TMC2: variants seen among roughly 807,000 people sequenced by gnomAD.
TMC2 encodes the protein transmembrane channel like 2, also known as transmembrane channel-like protein 2.
In TMC2, 102 loss-of-function variants were observed where a neutral mutation model predicts 105.9. The ratio of observed to expected loss-of-function variants is 0.96; its 90% confidence interval spans 0.82 to 1.14. The LOEUF is 1.14. Ranked by LOEUF, TMC2 falls within the 50% of genes most tolerant of loss-of-function variation. The pLI is 0.00. For missense variants in TMC2, 1,093 were observed against 1,134.3 expected (o/e 0.96, Z 0.52); for synonymous variants, 402 against 422.8 (o/e 0.95, Z 0.60).
At chr20:2,624,527 C>A in intron 17 of TMC2, 131 bp downstream of exon 17, 4 of 1,121,858 alleles carry the variant, frequency 3.6e-6, no homozygotes, top group Non-Finnish European at 3.7e-6. Context: ...GACAAGGATT[C>A]AAGTGTAAGT....
At chr20:2,545,849 G>GAAAGAAAGAAAGAAAGAAAA (rs2085921749) in intron 2 of TMC2, among the ~76,000 whole-genome samples, 1 of 107,108 alleles carries the variant, frequency 9.3e-6, no homozygotes, top group Non-Finnish European at 2.0e-5. Flanking sequence ...AAGAAAGAAA[G>GAAAGAAAGAAAGAAAGAAAA]AAAGAGAAAG....
intron 2 of TMC2, among the ~76,000 whole-genome samples, chr20:2,552,770 C>T (rs1354773364): frequency 6.6e-6 from 1 of 152,170 alleles, no homozygotes; most frequent in African/African-American, 2.4e-5. Context: ...CCTACCTTGA[C>T]CTCCCAAAGT....
Position 2,592,513 on chromosome 20 carries a change from T to A in TMC2, c.933+105T>A. 1 of 812,216 alleles carries A rather than the reference T, an allele frequency of 1.2e-6. No individual in the cohort carries two copies. The highest frequency in any genetic ancestry group is 1.5e-5 in the South Asian group (1 of 67,022). 50.3% of individuals were successfully genotyped at this position (812,216 alleles called of 1,614,324 possible). On this transcript the variant is annotated intron_variant, in intron 8 of 19. Coordinates refer to ENST00000358864, the MANE Select transcript of TMC2 (RefSeq NM_080751.3). The surrounding 1 kb of genome is among the most constrained non-coding windows in gnomAD (Gnocchi z 4.9). Reference sequence around the variant, plus strand: ...CGTTTAATTATTGAAAAACCATTGCTTTAATAGGATCCCAGCACTAAGCTA... The same window carrying A: ...CGTTTAATTATTGAAAAACCATTGCATTAATAGGATCCCAGCACTAAGCTA...
intron 2 of TMC2, among the ~76,000 whole-genome samples, chr20:2,557,561 G>A (rs1229082885): frequency 5.9e-5 from 9 of 151,966 alleles, no homozygotes; most frequent in Admixed American, 1.3e-4. Flanking sequence ...ATGGAGTCTC[G>A]CTCTTGTCGC....
intron 7 of TMC2, among the ~76,000 whole-genome samples, chr20:2,583,043 G>T (rs6050336): frequency 6.6e-6 from 1 of 152,092 alleles, no homozygotes; most frequent in African/African-American, 2.4e-5. Context: ...TCACCTGGGG[G>T]ACTTTAAGAA....
At chr20:2,565,351 G>A (rs554656917) in intron 4 of TMC2, among the ~76,000 whole-genome samples, 7 of 152,338 alleles carry the variant, frequency 4.6e-5, no homozygotes, top group Admixed American at 1.3e-4. Flanking sequence ...GTTAAGTGGC[G>A]CAGCCAGGAT....
chr20:2,570,608 C>T (rs117638737), intron 4 of TMC2, among the ~76,000 whole-genome samples: 364 of 151,974 alleles, frequency 2.4e-3, no homozygotes, highest in Middle Eastern at 0.014. Context: ...GCTATTTCTA[C>T]CAAACTACCA....
rs1764594622 is a variant in TMC2, at chr20:2,544,045, G to C, written c.82+6729G>C. Among the ~76,000 whole-genome samples the C allele has an allele frequency of 2.7e-5, 4 of 150,764 alleles. No individual in the cohort carries two copies. The South Asian group carries it at 8.4e-4, about 32-fold the overall frequency. Reference sequence around the variant, plus strand: ...GCCTCCCAAGTAGCTGGGACTACAGGCGCTCGCCACCATGCCTAGCTGATT... The same window carrying C: ...GCCTCCCAAGTAGCTGGGACTACAGCCGCTCGCCACCATGCCTAGCTGATT... On this transcript the variant is annotated intron_variant, in intron 2 of 19. Transcript: ENST00000358864.
At chr20:2,545,034 CAA>C (rs34794391) in intron 2 of TMC2, among the ~76,000 whole-genome samples, 3,254 of 98,344 alleles carry the variant, frequency 0.033, 123 homozygotes, top group African/African-American at 0.1. Context: ...CTGTCTCTAC[CAA>C]AAAAAAAAAA....
Position 2,616,351 on chromosome 20 carries a change from C to G in TMC2, c.1940+147C>G. The G allele has an allele frequency of 1.5e-6, 1 of 684,308 alleles. No homozygotes were observed. 42.4% of individuals were successfully genotyped at this position (684,308 alleles called of 1,614,324 possible). A position where few individuals can be genotyped will look rare whatever the true frequency, so the allele number is the denominator to read the frequency against. ...CCTCTTTCACATGAAAAATCAAGAG[C>G]GGGACTAGATGAGAAGCAGGACAGT... On this transcript the variant is annotated intron_variant, in intron 15 of 19. Coordinates refer to ENST00000358864, the MANE Select transcript of TMC2 (RefSeq NM_080751.3). The surrounding 1 kb of genome is among the most constrained non-coding windows in gnomAD (Gnocchi z 4.8).
At chr20:2,628,226 C>T (rs187394839) in intron 17 of TMC2, among the ~76,000 whole-genome samples, 1 of 151,596 alleles carries the variant, frequency 6.6e-6, no homozygotes, top group Non-Finnish European at 1.5e-5. Flanking sequence ...GTTTTCCAAT[C>T]CAAGAATACT....
chr20:2,546,172 T>C (rs2122802342), intron 2 of TMC2, among the ~76,000 whole-genome samples: 1 of 152,266 alleles, frequency 6.6e-6, no homozygotes, highest in East Asian at 1.9e-4. Flanking sequence ...ATTGTGGAGT[T>C]GCCATCTAAA....
At chr20:2,579,561 A>G (rs2086173805) in intron 6 of TMC2, among the ~76,000 whole-genome samples, 1 of 151,852 alleles carries the variant, frequency 6.6e-6, no homozygotes, top group African/African-American at 2.4e-5. Flanking sequence ...AGCTGGGATT[A>G]CAGGTCTGGG....
rs768537423 is a variant in TMC2, at chr20:2,637,486, G to C, written c.2398G>C (p.Glu800Gln). The C allele has an allele frequency of 6.2e-7, 1 of 1,612,912 alleles. No individual in the cohort carries two copies. Among genetic ancestry groups the C allele is most frequent in the Admixed American group, 1.7e-5 (1 of 59,982 alleles). The change falls in exon 19 of 20, where the codon GAG becomes CAG. Residue 800 changes from glutamate to glutamine, a missense_variant. Coordinates refer to ENST00000358864, the MANE Select transcript of TMC2 (RefSeq NM_080751.3). ...RKKIQVLREV[E>Q]KSHKSVKGKA... ...TTATTTCCTGCAGCTCCGTGAAGTTGAGAAGAGTCACAAATCTGTAAAAGG... is the reference window on the plus strand; with the variant it reads ...TTATTTCCTGCAGCTCCGTGAAGTTCAGAAGAGTCACAAATCTGTAAAAGG...
At chr20:2,587,888 A>G (rs779190866) in intron 7 of TMC2, among the ~76,000 whole-genome samples, 40 of 152,078 alleles carry the variant, frequency 2.6e-4, no homozygotes, top group Non-Finnish European at 2.1e-4. Context: ...CCTTTGACCA[A>G]CATTTCCCAA....
At chr20:2,594,387 C>T (rs180967990) in intron 8 of TMC2, among the ~76,000 whole-genome samples, 6 of 152,140 alleles carry the variant, frequency 3.9e-5, no homozygotes, top group African/African-American at 1.2e-4. Flanking sequence ...GCTATTACAC[C>T]TGGCAAATTT....
chr20:2,611,123 T>C (rs1323192962), intron 12 of TMC2, among the ~76,000 whole-genome samples: 3 of 152,170 alleles, frequency 2.0e-5, no homozygotes, highest in Non-Finnish European at 2.9e-5. Context: ...CAGGGCAGCA[T>C]GGCAGTGCAC....
At position 2,616,332 on chromosome 20, in the gene TMC2, T is replaced by C; in HGVS notation, c.1940+128T>C. The C allele has an allele frequency of 1.4e-6, 1 of 739,142 alleles. No individual in the cohort carries two copies. The highest frequency in any genetic ancestry group is 2.4e-6 in the Non-Finnish European group (1 of 418,606). 45.8% of individuals were successfully genotyped at this position (739,142 alleles called of 1,614,324 possible). A position where few individuals can be genotyped will look rare whatever the true frequency, so the allele number is the denominator to read the frequency against. On this transcript the variant is annotated intron_variant, in intron 15 of 19. Transcript: ENST00000358864. This position sits in a 1 kb window ranked among gnomAD's most constrained non-coding sequence, Gnocchi z 4.8. ...TCTTGCCTCTCTGAACTCCCCTCTTTCACATGAAAAATCAAGAGCGGGACT... is the reference window on the plus strand; with the variant it reads ...TCTTGCCTCTCTGAACTCCCCTCTTCCACATGAAAAATCAAGAGCGGGACT...
chr20:2,632,906 G>C (rs892011009), intron 17 of TMC2, among the ~76,000 whole-genome samples: 14 of 152,200 alleles, frequency 9.2e-5, no homozygotes, highest in Admixed American at 8.5e-4. Flanking sequence ...ACTAGTTTTT[G>C]CTGAAAACTG....
Sources: allele counts gnomAD v4.1 joint callset (sites outside exome capture counted in the v4.1 genomes callset), GRCh38; gene constraint gnomAD v4.1.1; non-coding constraint Gnocchi (gnomAD v3.1); transcripts MANE v1.5; gene names NCBI Gene and HGNC (gene_info 2026-07-23, HGNC 2026-07-21).